The following SBDS variants were observed in gnomAD, a reference collection of about 807,000 sequenced individuals.
SBDS encodes the protein SBDS ribosome maturation factor.
Under a neutral mutation model 26.4 loss-of-function variants are expected in SBDS, and 20 were observed. That is an observed-to-expected ratio of 0.76 (90% CI 0.53 to 1.10). SBDS has a LOEUF of 1.10. SBDS is among the 50% of genes least tolerant of loss of function. The pLI is 0.00. For synonymous variants in SBDS, 95 were observed against 105.1 expected, an observed-to-expected ratio of 0.90 and a Z score of 0.59; for missense variants, 241 against 302.0, an observed-to-expected ratio of 0.80 and a Z score of 1.50.
intron 2 of SBDS, among the ~76,000 whole-genome samples, chr7:66,993,667 A>G (rs536167101): frequency 6.6e-6 from 1 of 152,232 alleles, no homozygotes; most frequent in Admixed American, 6.5e-5. Flanking sequence ...CAAGGTCAGG[A>G]GTTTGAGACC....
chr7:66,993,810 G>T (rs1286245435), intron 2 of SBDS, among the ~76,000 whole-genome samples: 2 of 151,716 alleles, frequency 1.3e-5, no homozygotes, highest in Non-Finnish European at 2.9e-5. Flanking sequence ...GGAGGCAGAG[G>T]TTGCAGTGAG....
At position 66,988,374 on chromosome 7, in the gene SBDS, T is replaced by C; in HGVS notation, c.750A>G (p.Glu250=). The C allele has an allele frequency of 6.2e-7, 1 of 1,613,300 alleles. No individual in the cohort carries two copies. The highest frequency in any genetic ancestry group is 8.5e-7 in the Non-Finnish European group (1 of 1,179,972). ...GAGGTGAAGAGATTGATGGGTGTCA[T>C]TCAAATTTCTCATCTCCTTCTTCTA... ...KDVEEGDEKF[E] Residue 250 remains glutamate (E), a synonymous_variant, in exon 5 of 5, where the codon GAA becomes GAG. Coordinates refer to ENST00000246868, the MANE Select transcript of SBDS (RefSeq NM_016038.4).
At chr7:66,988,620 T>A in intron 4 of SBDS, 121 bp from the exon 5 acceptor site, 2 of 1,173,968 alleles carry the variant, frequency 1.7e-6, no homozygotes, top group Non-Finnish European at 2.5e-6. Flanking sequence ...ACCACAGTTC[T>A]ATGGTGCAAT....
chr7:66,994,088 C>T lies in SBDS; in HGVS notation c.258+124G>A, dbSNP rs537167027. On this transcript the variant is annotated intron_variant, in intron 2 of 4. Coordinates refer to ENST00000246868, the MANE Select transcript of SBDS (RefSeq NM_016038.4). ...AAGTTCTTTATTATTAGAAGTGACA[C>T]TGTGCAGTTCACATTATTGCTTGGT... The T allele has an allele frequency of 8.5e-4, 743 of 871,926 alleles. 1 individual carries two copies. The highest frequency in any genetic ancestry group is 1.2e-3 in the Non-Finnish European group (628 of 535,176). The allele number at this position is 871,926 out of a possible 1,614,324, so 54.0% of individuals were successfully genotyped here.
chr7:66,994,048 A>G (rs1487406582), intron 2 of SBDS, among the ~76,000 whole-genome samples, 164 bp downstream of exon 2: 5 of 151,700 alleles, frequency 3.3e-5, no homozygotes, highest in East Asian at 3.9e-4. Context: ...ACCACAAAAA[A>G]CAAACAAAAC....
At chr7:66,990,734 T>C (rs573172621) in intron 4 of SBDS, among the ~76,000 whole-genome samples, 2 of 152,254 alleles carry the variant, frequency 1.3e-5, no homozygotes, top group Admixed American at 6.5e-5. Context: ...AGAAAATATC[T>C]GGCTGGGCGC....
chr7:66,992,430 T>TA (rs908302008), intron 3 of SBDS, among the ~76,000 whole-genome samples: 10 of 152,296 alleles, frequency 6.6e-5, no homozygotes, highest in African/African-American at 2.4e-4. Flanking sequence ...ATATACCACT[T>TA]AAAGTGTACA....
At chr7:66,994,770 G>C (rs759011962) in intron 1 of SBDS, among the ~76,000 whole-genome samples, 2 of 152,144 alleles carry the variant, frequency 1.3e-5, no homozygotes, top group Non-Finnish European at 2.9e-5. Flanking sequence ...TCAAAACTCA[G>C]AACCGTATTT....
chr7:66,991,100 T>G, intron 4 of SBDS, 37 bp downstream of exon 4: 1 of 1,524,320 alleles, frequency 6.6e-7, no homozygotes, highest in Non-Finnish European at 9.1e-7. Flanking sequence ...ATACAATATT[T>G]AGGTAACATG....
intron 2 of SBDS, among the ~76,000 whole-genome samples, 174 bp downstream of exon 2, chr7:66,994,038 A>AC (rs71526590): frequency 0.046 from 6,784 of 147,988 alleles, 221 homozygotes; most frequent in East Asian, 0.14. Context: ...AAAAAAAAAA[A>AC]CCACAAAAAA....
Position 66,995,567 on chromosome 7 carries a change from G to A in SBDS, c.-150C>T, listed in dbSNP as rs1793096283. The A allele has an allele frequency of 2.6e-6, 3 of 1,150,440 alleles. No individual in the cohort carries two copies. Among genetic ancestry groups the A allele is most frequent in the East Asian group, 2.5e-5 (1 of 39,400 alleles). The allele number at this position is 1,150,440 out of a possible 1,614,324, so 71.3% of individuals were successfully genotyped here. ...CGGCGCCGCGACTCACTAGCTTCAGGCAGCCGTCACAGTGTGTCTGGCAGG... is the reference window on the plus strand; with the variant it reads ...CGGCGCCGCGACTCACTAGCTTCAGACAGCCGTCACAGTGTGTCTGGCAGG... On this transcript the variant is annotated 5_prime_UTR_variant, in exon 1 of 5. Transcript: ENST00000246868.
intron 4 of SBDS, among the ~76,000 whole-genome samples, chr7:66,989,906 G>C (rs1044254513): frequency 6.7e-6 from 1 of 149,474 alleles, no homozygotes; most frequent in Non-Finnish European, 1.5e-5. Context: ...CAAGGTCCTA[G>C]CTTTTCCTCA....
intron 4 of SBDS, among the ~76,000 whole-genome samples, chr7:66,990,022 T>C (rs1264630021): frequency 6.8e-6 from 1 of 147,684 alleles, no homozygotes; most frequent in Non-Finnish European, 1.5e-5. Context: ...AATTCAATCT[T>C]TTTTTTTTTT....
At chr7:66,992,035 G>A (rs1359692520) in intron 3 of SBDS, among the ~76,000 whole-genome samples, 3 of 152,158 alleles carry the variant, frequency 2.0e-5, no homozygotes, top group Non-Finnish European at 2.9e-5. Flanking sequence ...GAAAACATAT[G>A]TCTACACAGA....
chr7:66,993,451 A>G (rs762123884), intron 2 of SBDS, 34 bp from the exon 3 acceptor site: 2 of 1,499,606 alleles, frequency 1.3e-6, no homozygotes, highest in African/African-American at 1.4e-5. Flanking sequence ...AGAAATCACT[A>G]TCTTTCTCTA....
At chr7:66,993,470 T>G in intron 2 of SBDS, 53 bp from the exon 3 acceptor site, 1 of 1,395,972 alleles carries the variant, frequency 7.2e-7, no homozygotes, top group Non-Finnish European at 1.0e-6. Context: ...TATCACACAC[T>G]ATTTATTAAC....
intron 1 of SBDS, among the ~76,000 whole-genome samples, chr7:66,994,656 G>A (rs1433717543): frequency 6.6e-6 from 1 of 152,098 alleles, no homozygotes; most frequent in African/African-American, 2.4e-5. Flanking sequence ...CACCACACCC[G>A]GCTAACTTTG....
chr7:66,988,377 A>G lies in SBDS; in HGVS notation c.747T>C (p.Phe249=). 1 of 1,613,390 alleles carries G rather than the reference A, an allele frequency of 6.2e-7. No homozygotes were observed. The highest frequency in any genetic ancestry group is 1.1e-5 in the South Asian group (1 of 91,088). ...LKDVEEGDEK[F]E The stretch of plus-strand genomic sequence containing the variant: ...GTGAAGAGATTGATGGGTGTCATTC[A>G]AATTTCTCATCTCCTTCTTCTACAT... The change falls in exon 5 of 5, where the codon TTT becomes TTC. Residue 249 remains phenylalanine (F), a synonymous_variant. Coordinates refer to ENST00000246868, the MANE Select transcript of SBDS (RefSeq NM_016038.4).
In SBDS at chr7:66,988,335, A is replaced by T. The variant is rs762515188; in HGVS notation, c.*36T>A. 6.8e-6 allele frequency: 11 copies of T among 1,609,570 alleles called. No homozygotes were observed. The South Asian group carries it at 1.2e-4, about 18-fold the overall frequency. ...AAACAGTGCCGTCGGAAACGGAAAC[A>T]CTTTAGTGTTTTAGAGGTGAAGAGA... On this transcript the variant is annotated 3_prime_UTR_variant, in exon 5 of 5. Coordinates refer to ENST00000246868, the MANE Select transcript of SBDS (RefSeq NM_016038.4).
Sources: allele counts gnomAD v4.1 joint callset (sites outside exome capture counted in the v4.1 genomes callset), GRCh38; gene constraint gnomAD v4.1.1; transcripts MANE v1.5; gene names NCBI Gene and HGNC (gene_info 2026-07-23, HGNC 2026-07-21).